PAWR: variants seen among roughly 807,000 people sequenced by gnomAD.
PAWR encodes the protein pro-apoptotic WT1 regulator.
Under a neutral mutation model 32.0 loss-of-function variants are expected in PAWR, and 23 were observed. That is an observed-to-expected ratio of 0.72 (90% CI 0.52 to 1.02). PAWR has a LOEUF of 1.02. PAWR is among the 50% of genes least tolerant of loss of function. PAWR has a pLI of 0.00. For synonymous variants in PAWR, 226 were observed against 187.1 expected (o/e 1.21, Z -1.70); for missense variants, 457 against 437.7 (o/e 1.04, Z -0.39).
intron 2 of PAWR, among the ~76,000 whole-genome samples, chr12:79,674,019 T>C (rs562291883): frequency 6.6e-6 from 1 of 152,134 alleles, no homozygotes; most frequent in Admixed American, 6.5e-5. Context: ...TAACAAGCTA[T>C]CAATATCATT....
At chr12:79,628,917 A>G (rs979917105) in intron 2 of PAWR, among the ~76,000 whole-genome samples, 13 of 152,234 alleles carry the variant, frequency 8.5e-5, no homozygotes, top group Admixed American at 3.9e-4. Flanking sequence ...TATACATGGC[A>G]TGGTATAATA....
At chr12:79,637,853 A>G (rs1235659590) in intron 2 of PAWR, among the ~76,000 whole-genome samples, 4 of 152,142 alleles carry the variant, frequency 2.6e-5, no homozygotes, top group Non-Finnish European at 5.9e-5. Context: ...TTAACCAACT[A>G]TTATCACTGT....
chr12:79,637,447 G>A (rs891026749), intron 2 of PAWR, among the ~76,000 whole-genome samples: 2 of 149,086 alleles, frequency 1.3e-5, no homozygotes, highest in African/African-American at 2.5e-5. Flanking sequence ...GTCATCACTC[G>A]ACCTCTGCCC....
chr12:79,593,191 T>G (rs1873619504), intron 6 of PAWR, among the ~76,000 whole-genome samples: 1 of 152,160 alleles, frequency 6.6e-6, no homozygotes, highest in African/African-American at 2.4e-5. Context: ...GATAACACTC[T>G]GGAGAGGTGA....
chr12:79,634,680 AT>A (rs1428129534), intron 2 of PAWR, among the ~76,000 whole-genome samples: 1 of 150,036 alleles, frequency 6.7e-6, no homozygotes, highest in Non-Finnish European at 1.5e-5. Flanking sequence ...AGAATAGACA[AT>A]AGCAGTGAGC....
At chr12:79,630,230 A>G (rs978509785) in intron 2 of PAWR, among the ~76,000 whole-genome samples, 3 of 152,062 alleles carry the variant, frequency 2.0e-5, no homozygotes, top group Admixed American at 2.0e-4. Flanking sequence ...AATCACTATT[A>G]TAAGTAAAAA....
chr12:79,676,864 G>T (rs1446266124), intron 2 of PAWR, among the ~76,000 whole-genome samples: 1 of 152,146 alleles, frequency 6.6e-6, no homozygotes, highest in Admixed American at 6.5e-5. Flanking sequence ...AGTCCTTCAA[G>T]ATTCAGTTCA....
intron 4 of PAWR, among the ~76,000 whole-genome samples, chr12:79,598,173 T>C (rs567728183): frequency 6.6e-6 from 1 of 152,282 alleles, no homozygotes; most frequent in East Asian, 1.9e-4. Flanking sequence ...ACATATCAAC[T>C]TGGTATGTTG....
intron 2 of PAWR, among the ~76,000 whole-genome samples, chr12:79,682,762 C>T (rs1202692515): frequency 6.6e-6 from 1 of 152,196 alleles, no homozygotes; most frequent in African/African-American, 2.4e-5. Flanking sequence ...GGCTATAACA[C>T]ATTTGCCTAA....
At chr12:79,605,454 A>G (rs1874135393) in intron 4 of PAWR, among the ~76,000 whole-genome samples, 2 of 152,240 alleles carry the variant, frequency 1.3e-5, no homozygotes, top group South Asian at 2.1e-4. Context: ...ACAGCCAGGC[A>G]TAGTACCCTG....
chr12:79,632,893 G>A (rs1468814175), intron 2 of PAWR, among the ~76,000 whole-genome samples: 2 of 152,064 alleles, frequency 1.3e-5, no homozygotes, highest in Non-Finnish European at 2.9e-5. Flanking sequence ...CGGCACTTTG[G>A]GAGGCTGAGG....
At position 79,587,051 on chromosome 12, in the gene PAWR, G is replaced by A. The variant is rs1040510615; in HGVS notation, c.*5556C>T. The A allele has an allele frequency of 6.6e-6, 1 of 152,060 alleles. No homozygotes were observed. The highest frequency in any genetic ancestry group is 2.4e-5 in the African/African-American group (1 of 41,436). 9.4% of individuals were successfully genotyped at this position (152,060 alleles called of 1,614,324 possible). On this transcript the variant is annotated 3_prime_UTR_variant, in exon 7 of 7. Coordinates refer to ENST00000328827, the MANE Select transcript of PAWR (RefSeq NM_002583.4). ...TTTACAGCTGCTGATAGAATTGTGTGCACGCGTGCATGCATGCATAAACAC... is the reference window on the plus strand; with the variant it reads ...TTTACAGCTGCTGATAGAATTGTGTACACGCGTGCATGCATGCATAAACAC...
At chr12:79,654,498 G>A (rs1180332233) in intron 2 of PAWR, among the ~76,000 whole-genome samples, 2 of 151,900 alleles carry the variant, frequency 1.3e-5, no homozygotes, top group African/African-American at 4.8e-5. Context: ...TGGGAGAGCT[G>A]GCTTCCCTTC....
At position 79,595,092 on chromosome 12, in the gene PAWR, A is replaced by C. The variant is rs1251388001; in HGVS notation, c.832-659T>G. 2.0e-5 allele frequency among the ~76,000 whole-genome samples: 3 copies of C among 152,192 alleles called. No individual in the cohort carries two copies. In the East Asian group the frequency reaches 5.8e-4, roughly 29 times the overall value. On this transcript the variant is annotated intron_variant, in intron 5 of 6. Coordinates refer to ENST00000328827, the MANE Select transcript of PAWR (RefSeq NM_002583.4). ...ATTTTTTAATGGGTATCTTGTTTGA[A>C]ATAATTCAAAATTAATTTTTCTTAA... is the stretch of plus-strand genomic sequence containing the variant.
At chr12:79,653,377 TCTA>T (rs1211371187) in intron 2 of PAWR, among the ~76,000 whole-genome samples, 2 of 152,018 alleles carry the variant, frequency 1.3e-5, no homozygotes, top group Non-Finnish European at 2.9e-5. Flanking sequence ...TCTTACCTGA[TCTA>T]CTTTTAAAAA....
At chr12:79,646,437 T>G (rs1565688491) in intron 2 of PAWR, among the ~76,000 whole-genome samples, 1 of 151,984 alleles carries the variant, frequency 6.6e-6, no homozygotes, top group African/African-American at 2.4e-5. Flanking sequence ...AAATAAGGAG[T>G]GAAAGTCTAC....
At chr12:79,613,940 T>C (rs1874560126) in intron 3 of PAWR, among the ~76,000 whole-genome samples, 3 of 3,200 alleles carry the variant, frequency 9.4e-4, no homozygotes, top group South Asian at 0.01. Context: ...ATTATATATA[T>C]ATATATATAT....
At chr12:79,628,716 T>C (rs2136736631) in intron 2 of PAWR, among the ~76,000 whole-genome samples, 1 of 152,220 alleles carries the variant, frequency 6.6e-6, no homozygotes, top group South Asian at 2.1e-4. Context: ...ATGAAGAACA[T>C]CCAAAATGGT....
chr12:79,680,547 T>C (rs1370721816), intron 2 of PAWR, among the ~76,000 whole-genome samples: 1 of 152,212 alleles, frequency 6.6e-6, no homozygotes, highest in Non-Finnish European at 1.5e-5. Flanking sequence ...TTTTGAGTGT[T>C]ATGCCCCAAA....
Sources: gnomAD v4.1 joint callset for allele counts (sites outside exome capture counted in the v4.1 genomes callset) on GRCh38, gnomAD v4.1.1 for gene constraint, MANE v1.5 for transcripts, NCBI Gene and HGNC (gene_info 2026-07-23, HGNC 2026-07-21) for gene names.